CFLAR: variants seen among roughly 807,000 people sequenced by gnomAD.
CFLAR encodes CASP8 and FADD-like apoptosis regulator.
In CFLAR, 14 loss-of-function variants were observed where a neutral mutation model predicts 51.1. The observed-to-expected ratio is 0.27, with a 90% CI of 0.18 to 0.43. The LOEUF (loss-of-function observed/expected upper bound fraction) is 0.43. Among genes scored for constraint, CFLAR ranks in the 20% least tolerant of loss-of-function variants. The pLI is 1.00. For missense variants in CFLAR, 390 were observed against 566.5 expected (o/e 0.69, Z 3.16); for synonymous variants, 210 against 211.6 (o/e 0.99, Z 0.06).
Position 201,124,178 on chromosome 2 carries a change from T to G in CFLAR, c.-137-5551T>G, listed in dbSNP as rs548390847. The stretch of plus-strand genomic sequence containing the variant: ...GCTACTGATTACAGGGAACAATATG[T>G]GCCTTTGTTACCAGATAGTTTGGGG... On this transcript the variant is annotated intron_variant, in intron 1 of 9. Coordinates refer to ENST00000309955, the MANE Select transcript of CFLAR (RefSeq NM_003879.7). This position sits in a 1 kb window ranked among gnomAD's most constrained non-coding sequence, Gnocchi z 4.7. Among the ~76,000 whole-genome samples, 1 of 152,326 alleles carries G rather than the reference T, an allele frequency of 6.6e-6. No individual in the cohort carries two copies. The highest frequency in any genetic ancestry group is 1.5e-5 in the Non-Finnish European group (1 of 68,028).
intron 9 of CFLAR, among the ~76,000 whole-genome samples, chr2:201,161,390 T>A (rs1175098650): frequency 6.6e-6 from 1 of 150,964 alleles, no homozygotes; most frequent in Admixed American, 6.6e-5. Flanking sequence ...AATAAATAAA[T>A]ACAAATAACA....
Position 201,162,002 on chromosome 2 carries a change from C to A in CFLAR, c.1304+1060C>A, listed in dbSNP as rs559169438. Among the ~76,000 whole-genome samples, 11 of 152,172 alleles carry A rather than the reference C, an allele frequency of 7.2e-5. No homozygotes were observed. The East Asian group carries it at 1.4e-3, about 19-fold the overall frequency. ...GCCTCAAGTGATCCACGTACCTCGGCCTGCCAAAGTGCTGGGATTACAGGC... is the reference window on the plus strand; with the variant it reads ...GCCTCAAGTGATCCACGTACCTCGGACTGCCAAAGTGCTGGGATTACAGGC... On this transcript the variant is annotated intron_variant, in intron 9 of 9. Coordinates refer to ENST00000309955, the MANE Select transcript of CFLAR (RefSeq NM_003879.7).
At position 201,153,885 on chromosome 2, in the gene CFLAR, T is replaced by A. The variant is rs927450015; in HGVS notation, c.793+4050T>A. 2.0e-5 allele frequency among the ~76,000 whole-genome samples: 3 copies of A among 151,216 alleles called. No homozygotes were observed. The South Asian group carries it at 6.2e-4, about 31-fold the overall frequency. ...ACTTAGAACTAATTTGCTAGGAATA[T>A]TCTATTTTCTTTTCTTTCTTTTTTT... On this transcript the variant is annotated intron_variant, in intron 8 of 9. Transcript: ENST00000309955.
At position 201,145,401 on chromosome 2, in the gene CFLAR, A is replaced by T. The variant is rs1346267769; in HGVS notation, c.630A>T (p.Glu210Asp). The change falls in exon 6 of 10, where the codon GAA becomes GAT. Residue 210 changes from glutamate to aspartate, a missense_variant. Transcript: ENST00000309955. ...AGCTCCATAATGGGAGAAGTAAAGAACAAAGACTTAAGGAACAGCTTGGCG... is the reference window on the plus strand; with the variant it reads ...AGCTCCATAATGGGAGAAGTAAAGATCAAAGACTTAAGGAACAGCTTGGCG... ...NFRLHNGRSKEQRLKEQLGAQ... is the reference protein window; with the variant it reads ...NFRLHNGRSKDQRLKEQLGAQ... The T allele has an allele frequency of 6.2e-7, 1 of 1,608,064 alleles. No individual in the cohort carries two copies. Among genetic ancestry groups the T allele is most frequent in the Non-Finnish European group, 8.5e-7 (1 of 1,175,078 alleles).
At chr2:201,132,788 G>A (rs1029903745) in intron 2 of CFLAR, 1 of 375,978 alleles carries the variant, frequency 2.7e-6, no homozygotes, top group Non-Finnish European at 4.7e-6. Context: ...TTCAGAAACT[G>A]TTAGTTGGCA....
chr2:201,163,629 C>T (rs1460372733), intron 9 of CFLAR: 5 of 1,369,056 alleles, frequency 3.7e-6, no homozygotes, highest in African/African-American at 1.5e-5. Flanking sequence ...CAGAGTGAAA[C>T]TCAGCAGCCC....
chr2:201,135,820 T>A (rs755768732), intron 3 of CFLAR, 152 bp from the exon 4 acceptor site: 26 of 948,502 alleles, frequency 2.7e-5, no homozygotes, highest in Non-Finnish European at 4.1e-5. Context: ...GAGATGGGGG[T>A]CTCACTATTT....
intron 1 of CFLAR, among the ~76,000 whole-genome samples, chr2:201,127,145 G>A (rs2048788639): frequency 1.3e-5 from 2 of 152,198 alleles, no homozygotes; most frequent in Admixed American, 6.5e-5. Context: ...ACACTTGGGG[G>A]GAGAAATGAA....
intron 8 of CFLAR, chr2:201,151,056 T>A (rs763360365): frequency 2.0e-5 from 3 of 152,202 alleles, no homozygotes; most frequent in Non-Finnish European, 1.5e-5. Context: ...ACAAAAGCTT[T>A]CCTGGGAACA....
rs554513059 is a variant in CFLAR, at chr2:201,131,094, G to T, written c.281+948G>T. Among the ~76,000 whole-genome samples the T allele has an allele frequency of 5.9e-5, 9 of 152,286 alleles. No homozygotes were observed. In the South Asian group the frequency reaches 1.9e-3, roughly 32 times the overall value. ...CAGTCCAAAGAGGAAATGGCCACTG[G>T]AGTCTGCTTTAGTTCCCACAAGCTT... On this transcript the variant is annotated intron_variant, in intron 2 of 9. Coordinates refer to ENST00000309955, the MANE Select transcript of CFLAR (RefSeq NM_003879.7).
chr2:201,128,626 A>G (rs1271468299), intron 1 of CFLAR, among the ~76,000 whole-genome samples: 3 of 152,220 alleles, frequency 2.0e-5, no homozygotes, highest in African/African-American at 4.8e-5. Context: ...CTTTCACTAA[A>G]TACAGCTAGA....
rs1377202190 is a variant in CFLAR at position 201,162,620 on chromosome 2, T to A, written c.1305-1215T>A. 3 of 206,132 alleles carry A rather than the reference T, an allele frequency of 1.5e-5. No homozygotes were observed. The East Asian group carries it at 3.6e-4, about 25-fold the overall frequency. The allele number at this position is 206,132 out of a possible 1,614,324, so 12.8% of individuals were successfully genotyped here. A position where few individuals can be genotyped will look rare whatever the true frequency, so the allele number is the denominator to read the frequency against. On this transcript the variant is annotated intron_variant, in intron 9 of 9. Transcript: ENST00000309955. Reference sequence around the variant, plus strand: ...TTATTTTTCTTGATCTTGACAGATTTGGCATCCTTTCACCTGGCTGTGAGC... The same window carrying A: ...TTATTTTTCTTGATCTTGACAGATTAGGCATCCTTTCACCTGGCTGTGAGC...
At chr2:201,117,588 GATA>G (rs1266771468) in intron 1 of CFLAR, among the ~76,000 whole-genome samples, 1 of 152,110 alleles carries the variant, frequency 6.6e-6, no homozygotes, top group East Asian at 1.9e-4. Context: ...AACAAACTGC[GATA>G]ATCTACAACA....
At chr2:201,158,356 T>G (rs1359811887) in intron 8 of CFLAR, among the ~76,000 whole-genome samples, 1 of 152,240 alleles carries the variant, frequency 6.6e-6, no homozygotes, top group Non-Finnish European at 1.5e-5. Context: ...TGTCCAAGCC[T>G]TACATATCAG....
In CFLAR at chr2:201,138,307, G is replaced by T; in HGVS notation, c.524-2050G>T. 1 of 775,788 alleles carries T rather than the reference G, an allele frequency of 1.3e-6. No individual in the cohort carries two copies. The highest frequency in any genetic ancestry group is 1.3e-5 in the South Asian group (1 of 74,174). The allele number at this position is 775,788 out of a possible 1,614,324, so 48.1% of individuals were successfully genotyped here. On this transcript the variant is annotated intron_variant, in intron 4 of 9. Coordinates refer to ENST00000309955, the MANE Select transcript of CFLAR (RefSeq NM_003879.7). The surrounding 1 kb of genome is among the most constrained non-coding windows in gnomAD (Gnocchi z 4.0). ...CCAGGTGGTATTTGTCATCCTCATG[G>T]GTACCCACAGCTGCCCCGCCCAGCA...
intron 5 of CFLAR, chr2:201,142,907 A>G (rs1939274933): frequency 6.6e-6 from 1 of 152,162 alleles, no homozygotes; most frequent in African/African-American, 2.4e-5. Flanking sequence ...CCTAGCATAT[A>G]TTTTTTAAAA....
In CFLAR at chr2:201,163,858, A is replaced by G. The variant is rs1481199716; in HGVS notation, c.1328A>G (p.His443Arg). 6.2e-7 allele frequency: 1 copy of G among 1,612,698 alleles called. No homozygotes were observed. Among genetic ancestry groups the G allele is most frequent in the Non-Finnish European group, 8.5e-7 (1 of 1,179,624 alleles). ...QERKRPLLDLHIELNGYMYDW... is the reference protein window; with the variant it reads ...QERKRPLLDLRIELNGYMYDW... ...AGAAAACGCCCACTCCTGGATCTTC[A>G]CATTGAACTCAATGGCTACATGTAT... The change falls in exon 10 of 10, where the codon CAC becomes CGC. Residue 443 changes from histidine to arginine, a missense_variant. By Grantham distance (29) the His-to-Arg change is conservative. This residue lies in a region of CFLAR where 287 missense variants were observed against 363.6 expected (regional missense o/e 0.79). Transcript: ENST00000309955.
At chr2:201,159,120 T>C (rs7599484) in intron 8 of CFLAR, among the ~76,000 whole-genome samples, 71,785 of 151,300 alleles carry the variant, frequency 0.47, 17,275 homozygotes, top group Non-Finnish European at 0.51. Flanking sequence ...TCAGGTGATC[T>C]GCCCGTCTCG....
At chr2:201,163,704 G>A in intron 9 of CFLAR, 131 bp from the exon 10 acceptor site, 23 of 1,465,084 alleles carry the variant, frequency 1.6e-5, no homozygotes, top group Non-Finnish European at 1.7e-5. Flanking sequence ...CATTTGCTAA[G>A]CAGCTTGTGG....
Sources: gnomAD v4.1 joint callset for allele counts (sites outside exome capture counted in the v4.1 genomes callset) on GRCh38, gnomAD v4.1.1 for gene constraint, gnomAD v4.1.1 regional missense constraint, Gnocchi (gnomAD v3.1) non-coding constraint, MANE v1.5 for transcripts, NCBI Gene and HGNC (gene_info 2026-07-23, HGNC 2026-07-21) for gene names.